The following PTPRD variants were observed in gnomAD, a reference collection of about 807,000 sequenced individuals.
PTPRD encodes the protein receptor-type tyrosine-protein phosphatase delta.
PTPRD carries 34 observed loss-of-function variants against 214.5 expected under a neutral mutation model. That is an observed-to-expected ratio of 0.16 (90% CI 0.12 to 0.21). The LOEUF (loss-of-function observed/expected upper bound fraction) is 0.21, where lower values mean the gene tolerates loss of function less well. Ranked by LOEUF, PTPRD falls within the 10% of genes least tolerant of loss-of-function variation. PTPRD has a pLI of 1.00. For synonymous variants in PTPRD, 1,128 were observed against 845.7 expected, an observed-to-expected ratio of 1.33 and a Z score of -5.79; for missense variants, 2,545 against 2,398.7, an observed-to-expected ratio of 1.06 and a Z score of -1.27.
intron 5 of PTPRD, among the ~76,000 whole-genome samples, chr9:9,810,002 A>G (rs2046628298): frequency 6.6e-6 from 1 of 151,978 alleles, no homozygotes; most frequent in Non-Finnish European, 1.5e-5. Context: ...GATTTTTTCC[A>G]ATAAAAGTTA....
At chr9:8,494,112 A>C (rs142763992) in intron 26 of PTPRD, among the ~76,000 whole-genome samples, 1 of 152,120 alleles carries the variant, frequency 6.6e-6, no homozygotes, top group South Asian at 2.1e-4. Flanking sequence ...ATTTAGGAAA[A>C]TGCACAATGT....
At chr9:9,908,543 AT>A (rs2078270153) in intron 5 of PTPRD, among the ~76,000 whole-genome samples, 1 of 152,064 alleles carries the variant, frequency 6.6e-6, no homozygotes, top group African/African-American at 2.4e-5. Context: ...AATGTATATT[AT>A]TTCTCAAATG....
intron 33 of PTPRD, among the ~76,000 whole-genome samples, chr9:8,455,298 C>G (rs930752047): frequency 1.3e-5 from 2 of 152,170 alleles, no homozygotes; most frequent in East Asian, 3.9e-4. Flanking sequence ...CATTTTATTA[C>G]CAGCCATTGA....
chr9:8,646,098 C>T (rs7855592), intron 12 of PTPRD, among the ~76,000 whole-genome samples: 1,657 of 151,766 alleles, frequency 0.011, 34 homozygotes, highest in African/African-American at 0.038. Context: ...GTGCCTGAAC[C>T]CCACCCTAAA....
At chr9:9,885,335 A>T (rs1409904098) in intron 5 of PTPRD, among the ~76,000 whole-genome samples, 1 of 152,108 alleles carries the variant, frequency 6.6e-6, no homozygotes, top group Non-Finnish European at 1.5e-5. Context: ...CTTTGTTAAG[A>T]TGTAAGAAAG....
chr9:9,287,424 G>A (rs1318164358), intron 9 of PTPRD, among the ~76,000 whole-genome samples: 1 of 151,886 alleles, frequency 6.6e-6, no homozygotes, highest in Non-Finnish European at 1.5e-5. Flanking sequence ...TCTCAAGTTT[G>A]CAGATTACCA....
At chr9:8,465,239 T>G (rs371290806) in intron 32 of PTPRD, among the ~76,000 whole-genome samples, 10 of 152,046 alleles carry the variant, frequency 6.6e-5, no homozygotes, top group African/African-American at 2.4e-4. Flanking sequence ...CTTCATAAAC[T>G]AGAGGGCCAC....
intron 35 of PTPRD, among the ~76,000 whole-genome samples, chr9:8,421,763 G>C (rs537987406): frequency 6.7e-6 from 1 of 150,260 alleles, no homozygotes; most frequent in Non-Finnish European, 1.5e-5. Flanking sequence ...ACCAAAGGTA[G>C]AAAAAAAAGC....
intron 2 of PTPRD, among the ~76,000 whole-genome samples, chr9:10,539,465 G>A (rs1297207087): frequency 2.0e-5 from 3 of 152,148 alleles, no homozygotes; most frequent in Non-Finnish European, 2.9e-5. Flanking sequence ...GATTACAGGC[G>A]TGAGCCACCA....
intron 10 of PTPRD, among the ~76,000 whole-genome samples, chr9:9,119,867 G>A (rs2099815964): frequency 6.6e-6 from 1 of 150,928 alleles, no homozygotes; most frequent in Non-Finnish European, 1.5e-5. Flanking sequence ...AGAGAAAGAT[G>A]ACTACACATG....
At chr9:9,796,021 TA>T (rs1428372378) in intron 5 of PTPRD, among the ~76,000 whole-genome samples, 4 of 152,178 alleles carry the variant, frequency 2.6e-5, no homozygotes, top group African/African-American at 9.7e-5. Context: ...AGAATTATAT[TA>T]AGAAAAAGAT....
At chr9:10,315,820 G>A (rs370621643) in intron 3 of PTPRD, among the ~76,000 whole-genome samples, 1 of 151,896 alleles carries the variant, frequency 6.6e-6, no homozygotes, top group Non-Finnish European at 1.5e-5. Context: ...TTGATCCCCA[G>A]AGAGTGGCTC....
intron 21 of PTPRD, among the ~76,000 whole-genome samples, chr9:8,513,117 C>A (rs187465339): frequency 6.6e-6 from 1 of 151,972 alleles, no homozygotes; most frequent in African/African-American, 2.4e-5. Context: ...CTTTGTAATG[C>A]CAGAAGTTAG....
intron 9 of PTPRD, among the ~76,000 whole-genome samples, chr9:9,184,556 CCT>C (rs1235035126): frequency 1.3e-5 from 2 of 152,008 alleles, no homozygotes; most frequent in Non-Finnish European, 2.9e-5. Flanking sequence ...GTCACCTCAC[CCT>C]GACTAGGACA....
At chr9:9,365,988 T>C (rs988701463) in intron 9 of PTPRD, among the ~76,000 whole-genome samples, 2 of 151,522 alleles carry the variant, frequency 1.3e-5, no homozygotes, top group African/African-American at 4.8e-5. Context: ...TAAACTATAA[T>C]ATTATAAATC....
At chr9:9,837,834 T>G (rs1433750682) in intron 5 of PTPRD, among the ~76,000 whole-genome samples, 1 of 152,152 alleles carries the variant, frequency 6.6e-6, no homozygotes, top group African/African-American at 2.4e-5. Context: ...TAGTTACATA[T>G]GTATACATGT....
At chr9:8,563,097 T>C (rs920490157) in intron 14 of PTPRD, among the ~76,000 whole-genome samples, 5 of 152,130 alleles carry the variant, frequency 3.3e-5, no homozygotes, top group African/African-American at 4.8e-5. Context: ...TGAGTGAATA[T>C]AGAAATAATA....
chr9:8,929,966 T>C (rs62529112), intron 11 of PTPRD, among the ~76,000 whole-genome samples: 72,086 of 113,566 alleles, frequency 0.63, 26,032 homozygotes, highest in East Asian at 0.93. Context: ...TATATATATA[T>C]AACTATTATT....
intron 11 of PTPRD, among the ~76,000 whole-genome samples, chr9:8,749,698 C>A (rs2093322453): frequency 6.6e-6 from 1 of 152,218 alleles, no homozygotes; most frequent in African/African-American, 2.4e-5. Flanking sequence ...ACTTTACACA[C>A]AAACAGTGTT....
Sources: allele counts gnomAD v4.1 joint callset (sites outside exome capture counted in the v4.1 genomes callset), GRCh38; gene constraint gnomAD v4.1.1; transcripts MANE v1.5; gene names NCBI Gene and HGNC (gene_info 2026-07-23, HGNC 2026-07-21).